TRMT11: variants seen among roughly 807,000 people sequenced by gnomAD.
TRMT11 encodes the protein tRNA (guanine(10)-N(2))-methyltransferase TRMT11.
In TRMT11, 53 loss-of-function variants were observed where a neutral mutation model predicts 62.8. That is an observed-to-expected ratio of 0.84 (90% CI 0.68 to 1.06). The LOEUF is 1.06. Ranked by LOEUF, TRMT11 falls within the 50% of genes least tolerant of loss-of-function variation. The probability of loss-of-function intolerance (pLI) is 0.00; values close to 1 mark genes in which losing one functional copy is unlikely to be tolerated. For missense variants in TRMT11, 556 were observed against 553.4 expected, an observed-to-expected ratio of 1.00 and a Z score of -0.05; for synonymous variants, 188 against 190.3, an observed-to-expected ratio of 0.99 and a Z score of 0.10.
At chr6:126,210,963 G>A in the TRMT11 span, among the ~76,000 whole-genome samples, 1 of 143,470 alleles carries the variant, frequency 7.0e-6, no homozygotes, top group Admixed American at 7.3e-5. Context: ...AGGCTAAAAA[G>A]TTAAAGATAA....
intron 1 of TRMT11, 104 bp downstream of exon 1, chr6:125,986,726 G>T: frequency 9.3e-7 from 1 of 1,077,154 alleles, no homozygotes; most frequent in Non-Finnish European, 1.3e-6. Context: ...GGGATTCGGG[G>T]GTCTTCGCTG....
chr6:126,093,585 G>GTATATGTATATATATATATA (rs1777299281), intron 17 of TRMT11, among the ~76,000 whole-genome samples: 1 of 46,666 alleles, frequency 2.1e-5, no homozygotes, highest in Non-Finnish European at 3.8e-5. Context: ...GGATATGTAT[G>GTATATGTATATATATATATA]TATATATATA....
intron 1 of TRMT11, among the ~76,000 whole-genome samples, chr6:126,198,322 A>G (rs905408294): frequency 6.6e-6 from 1 of 152,168 alleles, no homozygotes; most frequent in African/African-American, 2.4e-5. Flanking sequence ...CTGTCTATCA[A>G]ACAAATTTGT....
At chr6:126,171,636 G>A (rs1437227678) in intron 21 of TRMT11, among the ~76,000 whole-genome samples, 2 of 152,116 alleles carry the variant, frequency 1.3e-5, no homozygotes, top group African/African-American at 2.4e-5. Context: ...TCACAAGAGT[G>A]GAGGGTGTGA....
chr6:126,146,329 C>A (rs1777974074), intron 21 of TRMT11, among the ~76,000 whole-genome samples: 1 of 152,182 alleles, frequency 6.6e-6, no homozygotes. Flanking sequence ...CATCATGAGA[C>A]ATGTTTTGTG....
chr6:126,219,472 G>A, the TRMT11 span, among the ~76,000 whole-genome samples: 1 of 152,162 alleles, frequency 6.6e-6, no homozygotes, highest in African/African-American at 2.4e-5. Flanking sequence ...GCATCAGACT[G>A]CACAGATTTA....
intron 21 of TRMT11, among the ~76,000 whole-genome samples, chr6:126,166,626 G>C (rs1382971517): frequency 6.6e-6 from 1 of 152,226 alleles, no homozygotes; most frequent in Non-Finnish European, 1.5e-5. Context: ...TCCCTTAGCA[G>C]AGCTCGAGCG....
intron 12 of TRMT11, 121 bp downstream of exon 12, chr6:126,021,401 C>T (rs1176152182): frequency 2.4e-6 from 3 of 1,229,158 alleles, no homozygotes; most frequent in Non-Finnish European, 3.3e-6. Context: ...AATTACAGAT[C>T]AATTTAGGAA....
chr6:126,060,447 A>G (rs1014068831), intron 17 of TRMT11, among the ~76,000 whole-genome samples: 1 of 152,314 alleles, frequency 6.6e-6, no homozygotes, highest in Non-Finnish European at 1.5e-5. Context: ...GGGGCCTTGC[A>G]GTACCCCCAC....
intron 11 of TRMT11, among the ~76,000 whole-genome samples, chr6:126,016,603 G>A (rs1013702066): frequency 9.2e-5 from 14 of 151,888 alleles, no homozygotes; most frequent in African/African-American, 3.1e-4. Context: ...TTTCTTCAAT[G>A]ACTTCTCTAT....
the TRMT11 span, among the ~76,000 whole-genome samples, chr6:126,209,713 G>A: frequency 1.3e-5 from 2 of 151,902 alleles, no homozygotes; most frequent in Non-Finnish European, 2.9e-5. Context: ...GGGAGACAGC[G>A]GCGAGACTCC....
chr6:126,013,142 C>T (rs754875678), intron 11 of TRMT11, 41 bp downstream of exon 11: 2 of 1,563,376 alleles, frequency 1.3e-6, no homozygotes, highest in Non-Finnish European at 1.7e-6. Context: ...ATTTTTCTTA[C>T]AATGTTTGCG....
intron 21 of TRMT11, among the ~76,000 whole-genome samples, chr6:126,169,735 A>T (rs952073742): frequency 1.2e-4 from 19 of 152,202 alleles, no homozygotes; most frequent in African/African-American, 4.1e-4. Context: ...AGGAGATGGT[A>T]GCCTCAGAAG....
intron 16 of TRMT11, among the ~76,000 whole-genome samples, chr6:126,051,038 C>G (rs567771005): frequency 1.1e-4 from 16 of 152,246 alleles, no homozygotes; most frequent in African/African-American, 3.6e-4. Flanking sequence ...CCAGCCTGCC[C>G]TGGGGCTGGG....
chr6:126,173,971 G>T (rs1008831592), upstream of TRMT11, among the ~76,000 whole-genome samples: 2 of 152,170 alleles, frequency 1.3e-5, no homozygotes, highest in African/African-American at 4.8e-5. Context: ...TCAACAGATA[G>T]TGTGAGAAGC....
chr6:126,043,422 A>C (rs1182636966), downstream of TRMT11, among the ~76,000 whole-genome samples: 1 of 150,982 alleles, frequency 6.6e-6, no homozygotes, highest in Non-Finnish European at 1.5e-5. Flanking sequence ...CATGGTGTAT[A>C]TGTGCCACAT....
chr6:126,195,275 A>G (rs1201118461), intron 1 of TRMT11, among the ~76,000 whole-genome samples: 1 of 152,260 alleles, frequency 6.6e-6, no homozygotes, highest in Non-Finnish European at 1.5e-5. Context: ...TAGTAAAAGT[A>G]TATTTAAATC....
the TRMT11 span, chr6:126,258,067 G>A: frequency 8.7e-7 from 1 of 1,143,536 alleles, no homozygotes; most frequent in Non-Finnish European, 1.3e-6. Context: ...ATGTCCAGGA[G>A]TTCATCCACG....
chr6:126,217,389 A>G, the TRMT11 span, among the ~76,000 whole-genome samples: 1 of 152,134 alleles, frequency 6.6e-6, no homozygotes. Context: ...AAGGCTTTCC[A>G]GGTATTTGAA....
Sources: allele counts gnomAD v4.1 joint callset (sites outside exome capture counted in the v4.1 genomes callset), GRCh38; gene constraint gnomAD v4.1.1; transcripts MANE v1.5; gene names NCBI Gene and HGNC (gene_info 2026-07-23, HGNC 2026-07-21).